NBEAL1: variants seen among roughly 807,000 people sequenced by gnomAD.
NBEAL1 encodes neurobeachin like 1, also known as neurobeachin-like protein 1.
Under a neutral mutation model 351.3 loss-of-function variants are expected in NBEAL1, and 273 were observed. The ratio of observed to expected loss-of-function variants is 0.78; its 90% confidence interval spans 0.70 to 0.86. The LOEUF (loss-of-function observed/expected upper bound fraction) is 0.86. NBEAL1 is among the 40% of genes least tolerant of loss of function. The pLI is 0.00. For synonymous variants in NBEAL1, 1,050 were observed against 1,086.4 expected, an observed-to-expected ratio of 0.97 and a Z score of 0.66; for missense variants, 2,961 against 3,201.3, an observed-to-expected ratio of 0.92 and a Z score of 1.81.
rs2065969629 is a variant in NBEAL1, at chr2:203,223,277, G to A, written c.*5923G>A. On this transcript the variant is annotated 3_prime_UTR_variant, in exon 56 of 56. Coordinates refer to ENST00000683969, the MANE Select transcript of NBEAL1 (RefSeq NM_001378026.1). ...TCAGAAGGAAAAGAACAAATAGAAA[G>A]CTACTAATTCAATATTTGTTTTTCA... Among the ~76,000 whole-genome samples the A allele has an allele frequency of 1.3e-5, 2 of 152,058 alleles. No homozygotes were observed. Among genetic ancestry groups the A allele is most frequent in the Non-Finnish European group, 2.9e-5 (2 of 67,932 alleles).
intron 2 of NBEAL1, chr2:203,040,808 A>G (rs115821271): frequency 1.2e-5 from 6 of 509,280 alleles, no homozygotes; most frequent in African/African-American, 1.1e-4. Flanking sequence ...CCTCCACTAT[A>G]TACCAAAAAT....
At chr2:203,127,496 G>A (rs577122203) in intron 23 of NBEAL1, among the ~76,000 whole-genome samples, 110 of 152,316 alleles carry the variant, frequency 7.2e-4, no homozygotes, top group African/African-American at 2.0e-3. Context: ...GGCTGAGGTG[G>A]GCAGATCGTG....
At chr2:203,110,574 T>C (rs2062544019) in intron 15 of NBEAL1, among the ~76,000 whole-genome samples, 1 of 151,222 alleles carries the variant, frequency 6.6e-6, no homozygotes, top group Non-Finnish European at 1.5e-5. Context: ...CTTGGGAGGC[T>C]GAGTTGGGAG....
intron 51 of NBEAL1, among the ~76,000 whole-genome samples, chr2:203,205,259 T>C (rs990438163): frequency 2.6e-5 from 4 of 152,210 alleles, no homozygotes; most frequent in African/African-American, 9.6e-5. Flanking sequence ...TTGTATCATG[T>C]GTCTTAGCAG....
intron 18 of NBEAL1, 65 bp from the exon 19 acceptor site, chr2:203,122,189 T>A (rs1355596797): frequency 6.9e-6 from 6 of 872,624 alleles, no homozygotes; most frequent in Non-Finnish European, 1.1e-5. Flanking sequence ...TGAAATGTTC[T>A]ATATGTGGTT....
At chr2:203,047,741 ATTTTTT>A (rs199901981) in intron 3 of NBEAL1, among the ~76,000 whole-genome samples, 4 of 129,456 alleles carry the variant, frequency 3.1e-5, no homozygotes, top group Non-Finnish European at 3.2e-5. Flanking sequence ...ATTTCTTTCT[ATTTTTT>A]TTTTTTTTTT....
chr2:203,075,689 A>G (rs2061759289), intron 7 of NBEAL1, among the ~76,000 whole-genome samples: 1 of 152,138 alleles, frequency 6.6e-6, no homozygotes, highest in Non-Finnish European at 1.5e-5. Context: ...CTGTCTCCTC[A>G]ACTCAGCAAA....
At chr2:203,130,286 G>A (rs926970112) in intron 24 of NBEAL1, 32 bp from the exon 25 acceptor site, 1 of 1,500,846 alleles carries the variant, frequency 6.7e-7, no homozygotes, top group Non-Finnish European at 8.9e-7. Flanking sequence ...TATGAATGTG[G>A]TGGTTTGTTT....
intron 36 of NBEAL1, among the ~76,000 whole-genome samples, chr2:203,160,922 A>G (rs950085222): frequency 2.6e-5 from 4 of 152,180 alleles, no homozygotes; most frequent in African/African-American, 9.7e-5. Flanking sequence ...GCTGAGTGCT[A>G]TAGCTCATGA....
chr2:203,190,448 T>A, intron 46 of NBEAL1, 59 bp downstream of exon 46: 1 of 1,177,018 alleles, frequency 8.5e-7, no homozygotes, highest in Non-Finnish European at 1.2e-6. Context: ...TTTAAGTACA[T>A]AACAAAATAT....
chr2:203,089,708 T>G (rs2062028976), intron 10 of NBEAL1, among the ~76,000 whole-genome samples: 1 of 152,224 alleles, frequency 6.6e-6, no homozygotes, highest in Admixed American at 6.5e-5. Context: ...TCATAAATCT[T>G]AAAGGTCAGT....
At chr2:203,168,893 CAAAAAA>C (rs35683401) in intron 38 of NBEAL1, among the ~76,000 whole-genome samples, 49 of 97,264 alleles carry the variant, frequency 5.0e-4, no homozygotes, top group Non-Finnish European at 7.6e-4. Context: ...GACTCCATCT[CAAAAAA>C]AAAAAAAAAA....
intron 51 of NBEAL1, among the ~76,000 whole-genome samples, chr2:203,205,102 A>G (rs1471921573): frequency 6.6e-6 from 1 of 152,084 alleles, no homozygotes; most frequent in Non-Finnish European, 1.5e-5. Context: ...CAATGTTACC[A>G]TTTAGTATAG....
chr2:203,204,607 G>A (rs924874907), intron 51 of NBEAL1, among the ~76,000 whole-genome samples: 5 of 151,884 alleles, frequency 3.3e-5, no homozygotes, highest in Non-Finnish European at 5.9e-5. Flanking sequence ...CAATAATTTG[G>A]CATATTTTTA....
chr2:203,179,848 C>T (rs987751595), intron 42 of NBEAL1, among the ~76,000 whole-genome samples: 1 of 152,000 alleles, frequency 6.6e-6, no homozygotes, highest in Non-Finnish European at 1.5e-5. Flanking sequence ...GCACAATCTC[C>T]CAGGAATCTC....
intron 36 of NBEAL1, among the ~76,000 whole-genome samples, chr2:203,164,773 A>G (rs2064080226): frequency 6.6e-6 from 1 of 152,180 alleles, no homozygotes; most frequent in Admixed American, 6.5e-5. Flanking sequence ...GACATGAGGC[A>G]GATATGAAAT....
chr2:203,138,015 C>T (rs1275095990), intron 29 of NBEAL1, 147 bp from the exon 30 acceptor site: 1 of 728,048 alleles, frequency 1.4e-6, no homozygotes, highest in Admixed American at 3.1e-5. Flanking sequence ...ATTCAATTTC[C>T]ATTTACAGTA....
intron 5 of NBEAL1, 40 bp from the exon 6 acceptor site, chr2:203,057,286 G>T: frequency 6.6e-7 from 1 of 1,511,642 alleles, no homozygotes; most frequent in Non-Finnish European, 9.0e-7. Flanking sequence ...TAGATGATAA[G>T]TAAGGCATGT....
intron 4 of NBEAL1, among the ~76,000 whole-genome samples, chr2:203,050,417 A>G (rs949582702): frequency 6.6e-6 from 1 of 152,164 alleles, no homozygotes; most frequent in Non-Finnish European, 1.5e-5. Flanking sequence ...CCTTTTAGTT[A>G]CTATACCTAG....
Sources: allele counts gnomAD v4.1 joint callset (sites outside exome capture counted in the v4.1 genomes callset), GRCh38; gene constraint gnomAD v4.1.1; transcripts MANE v1.5; gene names NCBI Gene and HGNC (gene_info 2026-07-23, HGNC 2026-07-21).